Variants in TBPL1 observed in about 807,000 individuals in gnomAD.
TBPL1 encodes the protein TATA-box binding protein like 1.
A neutral mutation model predicts 22.1 loss-of-function variants in TBPL1; 4 were observed. The ratio of observed to expected loss-of-function variants is 0.18; its 90% confidence interval spans 0.09 to 0.41. The LOEUF is 0.41. TBPL1 is among the 10% of genes least tolerant of loss of function. The probability of loss-of-function intolerance (pLI) is 1.00; values close to 1 mark genes in which losing one functional copy is unlikely to be tolerated. For synonymous variants in TBPL1, 64 were observed against 71.0 expected (o/e 0.90, Z 0.50); for missense variants, 115 against 222.3 (o/e 0.52, Z 3.07).
rs575039534 is a variant in TBPL1 at position 133,953,764 on chromosome 6, A to G, written c.-45+339A>G. On this transcript the variant is annotated intron_variant, in intron 1 of 6. Transcript: ENST00000237264. ...CTTTCGTTTAAGCCACCACTGGGAA[A>G]GACGGGGAAAAGAGATTCCTCATCT... Among the ~76,000 whole-genome samples the G allele has an allele frequency of 2.0e-5, 3 of 150,610 alleles. No homozygotes were observed. In the East Asian group the frequency reaches 5.8e-4, roughly 29 times the overall value.
intron 1 of TBPL1, among the ~76,000 whole-genome samples, chr6:133,970,158 T>C (rs2114352366): frequency 6.6e-6 from 1 of 152,350 alleles, no homozygotes; most frequent in African/African-American, 2.4e-5. Context: ...GTGACCTCAA[T>C]TGACTCTGTC....
At chr6:133,973,439 A>G (rs1163201145) in intron 1 of TBPL1, among the ~76,000 whole-genome samples, 4 of 152,114 alleles carry the variant, frequency 2.6e-5, no homozygotes, top group Non-Finnish European at 5.9e-5. Flanking sequence ...TTGGCTTTCA[A>G]TTAGATTTTA....
chr6:133,975,925 TGG>T (rs1664601819), intron 1 of TBPL1, among the ~76,000 whole-genome samples: 1 of 152,196 alleles, frequency 6.6e-6, no homozygotes, highest in South Asian at 2.1e-4. Flanking sequence ...CTTAAATATA[TGG>T]TAGTGCCATG....
rs200249148 is a variant in TBPL1, at chr6:133,987,648, G to GTGTGTGTGTATATATATATATATATATA, written c.*609_*610insGTGTGTGTATATATATATATATATATAT. The stretch of plus-strand genomic sequence containing the variant: ...TTTGTGTGTGTGTGTGTGTGTGTGT[G>GTGTGTGTGTATATATATATATATATATA]TATATATATATATATATATGCACCA... On this transcript the variant is annotated 3_prime_UTR_variant, in exon 7 of 7. Transcript: ENST00000237264. 3.4e-5 allele frequency: 3 copies of GTGTGTGTGTATATATATATATATATATA among 88,310 alleles called. No individual in the cohort carries two copies. The highest frequency in any genetic ancestry group is 2.8e-5 in the Non-Finnish European group (1 of 35,234). 5.5% of individuals were successfully genotyped at this position (88,310 alleles called of 1,614,324 possible).
In TBPL1 at chr6:133,989,998, T is replaced by C. The variant is rs1248606956; in HGVS notation, c.*2958T>C. ...AGATTTGATTGTGGATTTTCTATCA[T>C]ACCCAAATTTTATTAGTAAGACCTC... On this transcript the variant is annotated 3_prime_UTR_variant, in exon 7 of 7. Transcript: ENST00000237264. 1 of 152,392 alleles carries C rather than the reference T, an allele frequency of 6.6e-6. No homozygotes were observed. Among genetic ancestry groups the C allele is most frequent in the East Asian group, 1.9e-4 (1 of 5,206 alleles). 9.4% of individuals were successfully genotyped at this position (152,392 alleles called of 1,614,324 possible).
At position 133,987,235 on chromosome 6, in the gene TBPL1, A is replaced by G; in HGVS notation, c.*195A>G. 2.5e-6 allele frequency: 1 copy of G among 402,002 alleles called. No individual in the cohort carries two copies. The highest frequency in any genetic ancestry group is 4.4e-6 in the Non-Finnish European group (1 of 225,080). The allele number at this position is 402,002 out of a possible 1,614,324, so 24.9% of individuals were successfully genotyped here. On this transcript the variant is annotated 3_prime_UTR_variant, in exon 7 of 7. Transcript: ENST00000237264. ...TAATATAAAAGGAAGTTTACAAGACATGATATTGCTGCTTTTACAAAAGGA... is the reference window on the plus strand; with the variant it reads ...TAATATAAAAGGAAGTTTACAAGACGTGATATTGCTGCTTTTACAAAAGGA...
rs575877940 is a variant in TBPL1, at chr6:133,959,861, G to A, written c.-45+6436G>A. Among the ~76,000 whole-genome samples the A allele has an allele frequency of 3.3e-5, 5 of 152,302 alleles. No individual in the cohort carries two copies. The South Asian group carries it at 1.0e-3, about 32-fold the overall frequency. Reference sequence around the variant, plus strand: ...CAGATATGAACATAATAAAGTCAATGTGTAACCCAAAAGTGCAAATATGAA... The same window carrying A: ...CAGATATGAACATAATAAAGTCAATATGTAACCCAAAAGTGCAAATATGAA... On this transcript the variant is annotated intron_variant, in intron 1 of 6. Coordinates refer to ENST00000237264, the MANE Select transcript of TBPL1 (RefSeq NM_004865.4).
chr6:133,963,064 G>A (rs1776052078), intron 1 of TBPL1, among the ~76,000 whole-genome samples: 2 of 152,222 alleles, frequency 1.3e-5, no homozygotes. Flanking sequence ...TCAGCAATGA[G>A]CCATTCATTT....
At chr6:133,984,768 A>G (rs1040904506) in intron 6 of TBPL1, 97 bp downstream of exon 6, 2 of 1,102,894 alleles carry the variant, frequency 1.8e-6, no homozygotes, top group East Asian at 2.6e-5. Flanking sequence ...TGTTCCTTTC[A>G]GTCACTTCTG....
intron 1 of TBPL1, chr6:133,969,059 A>T (rs1776172860): frequency 6.6e-6 from 1 of 152,208 alleles, no homozygotes; most frequent in Non-Finnish European, 1.5e-5. Context: ...AAGATGAGAC[A>T]GGTTTTCAAT....
At chr6:133,968,496 A>G (rs1164787162) in intron 1 of TBPL1, among the ~76,000 whole-genome samples, 1 of 152,204 alleles carries the variant, frequency 6.6e-6, no homozygotes, top group Non-Finnish European at 1.5e-5. Context: ...GCATTCACTA[A>G]TACATTGCTT....
rs1263214933 is a variant in TBPL1, at chr6:133,988,927, A to G, written c.*1887A>G. Reference sequence around the variant, plus strand: ...AAAAAAAGAAACATAGAATAGGGGGAAAACATGCTTATATAGCCAAGGTAC... The same window carrying G: ...AAAAAAAGAAACATAGAATAGGGGGGAAACATGCTTATATAGCCAAGGTAC... On this transcript the variant is annotated 3_prime_UTR_variant, in exon 7 of 7. Coordinates refer to ENST00000237264, the MANE Select transcript of TBPL1 (RefSeq NM_004865.4). The G allele has an allele frequency of 6.6e-6, 1 of 152,200 alleles. No individual in the cohort carries two copies. Among genetic ancestry groups the G allele is most frequent in the Non-Finnish European group, 1.5e-5 (1 of 68,020 alleles). 9.4% of individuals were successfully genotyped at this position (152,200 alleles called of 1,614,324 possible).
intron 1 of TBPL1, among the ~76,000 whole-genome samples, chr6:133,971,080 C>T (rs1776212374): frequency 6.6e-6 from 1 of 152,094 alleles, no homozygotes; most frequent in Non-Finnish European, 1.5e-5. Flanking sequence ...GACCAACCTC[C>T]GTTCATTCTC....
chr6:133,982,573 A>G lies in TBPL1; in HGVS notation c.141A>G (p.Val47=), dbSNP rs1776436189. ...NVIYKRDVGK[V]LMKLRKPRIT... ...CAGATTTTTTTTCCCCCCAGAAAGTATTAATGAAGCTTAGAAAACCTAGAA... is the reference window on the plus strand; with the variant it reads ...CAGATTTTTTTTCCCCCCAGAAAGTGTTAATGAAGCTTAGAAAACCTAGAA... The change falls in exon 3 of 7, where the codon GTA becomes GTG. Residue 47 remains valine, a synonymous_variant. Coordinates refer to ENST00000237264, the MANE Select transcript of TBPL1 (RefSeq NM_004865.4). 2 of 1,612,474 alleles carry G rather than the reference A, an allele frequency of 1.2e-6. No homozygotes were observed. The highest frequency in any genetic ancestry group is 1.7e-5 in the Admixed American group (1 of 59,748).
intron 1 of TBPL1, among the ~76,000 whole-genome samples, chr6:133,976,109 T>TAC (rs1562663478): frequency 6.6e-6 from 1 of 152,212 alleles, no homozygotes; most frequent in African/African-American, 2.4e-5. Flanking sequence ...TCATGAATGT[T>TAC]GTGTCAAAGG....
intron 1 of TBPL1, among the ~76,000 whole-genome samples, chr6:133,954,874 C>G (rs751348800): frequency 3.9e-5 from 6 of 152,060 alleles, no homozygotes; most frequent in Non-Finnish European, 4.4e-5. Context: ...CTGGCTTGTT[C>G]CTGAATGAGG....
chr6:133,968,127 T>A (rs1342584033), intron 1 of TBPL1, among the ~76,000 whole-genome samples: 1 of 151,956 alleles, frequency 6.6e-6, no homozygotes, highest in Non-Finnish European at 1.5e-5. Context: ...TAGCTGGGAC[T>A]ACAGGCGCGT....
chr6:133,959,968 T>C (rs1193965009), intron 1 of TBPL1, among the ~76,000 whole-genome samples: 2 of 152,212 alleles, frequency 1.3e-5, no homozygotes, highest in African/African-American at 4.8e-5. Context: ...CTTGAAGCTT[T>C]TGTGGAACAA....
intron 1 of TBPL1, among the ~76,000 whole-genome samples, chr6:133,958,450 G>T (rs991422754): frequency 6.6e-6 from 1 of 152,242 alleles, no homozygotes. Context: ...AGTAATTCAG[G>T]TGGCTCAAGA....
Sources: gnomAD v4.1 joint callset for allele counts (sites outside exome capture counted in the v4.1 genomes callset) on GRCh38, gnomAD v4.1.1 for gene constraint, MANE v1.5 for transcripts, NCBI Gene and HGNC (gene_info 2026-07-23, HGNC 2026-07-21) for gene names.